The following ZNF253 variants were observed in gnomAD, a reference collection of about 807,000 sequenced individuals.
The protein encoded by ZNF253 is DNA-binding protein.
ZNF253 carries 8 observed loss-of-function variants against 11.9 expected under a neutral mutation model. The observed-to-expected ratio is 0.67, with a 90% CI of 0.40 to 1.22. The LOEUF (loss-of-function observed/expected upper bound fraction) is 1.22, where lower values mean the gene tolerates loss of function less well. Ranked by LOEUF, ZNF253 falls within the 50% of genes most tolerant of loss-of-function variation. The pLI, the probability that ZNF253 is intolerant of heterozygous loss-of-function variation, is 0.01. For missense variants in ZNF253, 485 were observed against 586.9 expected, an observed-to-expected ratio of 0.83 and a Z score of 1.79; for synonymous variants, 194 against 194.9, an observed-to-expected ratio of 1.00 and a Z score of 0.04.
At chr19:19,880,198 A>T in intron 3 of ZNF253, 52 bp downstream of exon 3, 1 of 1,378,222 alleles carries the variant, frequency 7.3e-7, no homozygotes, top group Non-Finnish European at 1.0e-6. Flanking sequence ...AAAGGTCCCA[A>T]TGTCAAAGAG....
intron 3 of ZNF253, among the ~76,000 whole-genome samples, chr19:19,883,597 G>T (rs150140395): frequency 6.6e-6 from 1 of 152,218 alleles, no homozygotes; most frequent in African/African-American, 2.4e-5. Flanking sequence ...TTCATTTCAG[G>T]CATGTTAAGT....
chr19:19,880,738 C>T (rs1241687357), intron 3 of ZNF253, among the ~76,000 whole-genome samples: 1 of 151,776 alleles, frequency 6.6e-6, no homozygotes, highest in Non-Finnish European at 1.5e-5. Flanking sequence ...TGAGAGGCTG[C>T]ACAGTCTGGC....
At chr19:19,885,390 TTTTC>T (rs1568499376) in intron 3 of ZNF253, among the ~76,000 whole-genome samples, 1 of 65,738 alleles carries the variant, frequency 1.5e-5, no homozygotes, top group South Asian at 4.6e-4. Flanking sequence ...CTTTTCTTTC[TTTTC>T]TTTCTTTCTT....
chr19:19,880,720 A>AG (rs992407152), intron 3 of ZNF253, among the ~76,000 whole-genome samples: 10 of 150,058 alleles, frequency 6.7e-5, no homozygotes, highest in African/African-American at 2.5e-4. Context: ...AAAAAAAAAA[A>AG]GAGAGAATGA....
At chr19:19,870,853 C>T (rs1197593989) in intron 1 of ZNF253, 1 of 152,128 alleles carries the variant, frequency 6.6e-6, no homozygotes, top group Admixed American at 6.5e-5. Flanking sequence ...CCTCTTTCTT[C>T]GTAATGCTCA....
intron 2 of ZNF253, among the ~76,000 whole-genome samples, chr19:19,879,542 A>G (rs1227141679): frequency 6.6e-6 from 1 of 152,226 alleles, no homozygotes; most frequent in East Asian, 1.9e-4. Context: ...CCTACCTCAT[A>G]CATTACTTAG....
chr19:19,892,583 C>T lies in ZNF253; in HGVS notation c.1336C>T (p.His446Tyr). Residue 446 changes from histidine (H) to tyrosine (Y), a missense_variant, in exon 4 of 4, where the codon CAT becomes TAT. By Grantham distance (83) the His-to-Tyr change is moderately conservative (BLOSUM62 2). Transcript: ENST00000589717. ...AACTCTAACTACACATAAGAGAATTCATACTGGAGAGAAACCTTACAAATG... is the reference window on the plus strand; with the variant it reads ...AACTCTAACTACACATAAGAGAATTTATACTGGAGAGAAACCTTACAAATG... ...SSTLTTHKRI[H>Y]TGEKPYKCEE... 1 of 1,613,918 alleles carries T rather than the reference C, an allele frequency of 6.2e-7. No individual in the cohort carries two copies. The highest frequency in any genetic ancestry group is 1.7e-4 in the Middle Eastern group (1 of 6,056).
chr19:19,874,771 G>A (rs749046489), intron 1 of ZNF253, among the ~76,000 whole-genome samples: 3 of 151,992 alleles, frequency 2.0e-5, no homozygotes, highest in Non-Finnish European at 1.5e-5. Context: ...AATTAGCCGG[G>A]CGTGGTGGTG....
At chr19:19,877,828 C>T (rs1692472517) in intron 1 of ZNF253, among the ~76,000 whole-genome samples, 1 of 152,068 alleles carries the variant, frequency 6.6e-6, no homozygotes, top group Non-Finnish European at 1.5e-5. Context: ...TTTTATGCAG[C>T]TGATGTGCAT....
At chr19:19,886,910 T>C (rs190925374) in intron 3 of ZNF253, among the ~76,000 whole-genome samples, 77 of 152,342 alleles carry the variant, frequency 5.1e-4, no homozygotes, top group African/African-American at 1.4e-3. Flanking sequence ...TCTTGATGTC[T>C]ACAATTATTA....
chr19:19,879,420 T>C (rs577131662), intron 2 of ZNF253, among the ~76,000 whole-genome samples: 15 of 152,328 alleles, frequency 9.8e-5, no homozygotes, highest in African/African-American at 3.1e-4. Flanking sequence ...TAATTCATTA[T>C]GTTTTTGAAA....
chr19:19,890,832 A>ATTTT (rs770757608), intron 3 of ZNF253, among the ~76,000 whole-genome samples: 931 of 76,854 alleles, frequency 0.012, 50 homozygotes, highest in Non-Finnish European at 0.018. Flanking sequence ...CAACAATTTA[A>ATTTT]TTTTTTTTTT....
intron 1 of ZNF253, among the ~76,000 whole-genome samples, chr19:19,870,169 G>C (rs1260091400): frequency 6.6e-6 from 1 of 151,990 alleles, no homozygotes; most frequent in Admixed American, 6.5e-5. Context: ...GGCTGAGGCA[G>C]GTTAATTACC....
chr19:19,872,561 C>CTATATATATATATATATATTATTATA (rs2063137941), intron 1 of ZNF253, among the ~76,000 whole-genome samples: 3 of 121,996 alleles, frequency 2.5e-5, no homozygotes, highest in Non-Finnish European at 1.6e-5. Flanking sequence ...TAAACCATAA[C>CTATATATATATATATATATTATTATA]TATATATATA....
chr19:19,888,652 T>A (rs1212898219), intron 3 of ZNF253, among the ~76,000 whole-genome samples: 1 of 152,204 alleles, frequency 6.6e-6, no homozygotes, highest in Admixed American at 6.5e-5. Context: ...ATTCTACTTA[T>A]GTTATATATT....
chr19:19,876,759 G>A (rs1345468086), intron 1 of ZNF253, among the ~76,000 whole-genome samples: 1 of 152,006 alleles, frequency 6.6e-6, no homozygotes, highest in Non-Finnish European at 1.5e-5. Flanking sequence ...TATTCACTCT[G>A]CCTCCTCGAA....
chr19:19,873,337 G>C (rs2063142356), intron 1 of ZNF253, among the ~76,000 whole-genome samples: 1 of 152,128 alleles, frequency 6.6e-6, no homozygotes, highest in Non-Finnish European at 1.5e-5. Flanking sequence ...CCAGGTTCTG[G>C]AGCTCCACCA....
At chr19:19,885,298 TTTTCTTTCTTTCTTTCTTTCTTTCTTTC>T in intron 3 of ZNF253, among the ~76,000 whole-genome samples, 1 of 37,586 alleles carries the variant, frequency 2.7e-5, no homozygotes, top group South Asian at 9.1e-4. Flanking sequence ...TTTCTCTTTC[TTTTCTTTCTTTCTTTCTTTCTTTCTTTC>T]TTTCTTTCTT....
intron 1 of ZNF253, among the ~76,000 whole-genome samples, chr19:19,869,436 C>G: frequency 6.6e-6 from 1 of 151,634 alleles, no homozygotes; most frequent in African/African-American, 2.4e-5. Context: ...TTGATCTCGG[C>G]TCAGGCAAAC....
Sources: allele counts gnomAD v4.1 joint callset (sites outside exome capture counted in the v4.1 genomes callset), GRCh38; gene constraint gnomAD v4.1.1; transcripts MANE v1.5; gene names NCBI Gene and HGNC (gene_info 2026-07-23, HGNC 2026-07-21).